SEM1: variants seen among roughly 807,000 people sequenced by gnomAD.
The protein encoded by SEM1 is 26S proteasome complex subunit SEM1.
In SEM1, 3 loss-of-function variants were observed where a neutral mutation model predicts 12.7. The ratio of observed to expected loss-of-function variants is 0.24; its 90% confidence interval spans 0.11 to 0.61. The LOEUF is 0.61. Ranked by LOEUF, SEM1 falls within the 20% of genes least tolerant of loss-of-function variation. SEM1 has a pLI of 0.88. For synonymous variants in SEM1, 30 were observed against 27.8 expected (o/e 1.08, Z -0.25); for missense variants, 59 against 81.3 (o/e 0.73, Z 1.06).
intron 2 of SEM1, among the ~76,000 whole-genome samples, chr7:96,639,958 GAA>G (rs1808540404): frequency 6.6e-6 from 1 of 151,980 alleles, no homozygotes; most frequent in African/African-American, 2.4e-5. Context: ...ATAAGCATAC[GAA>G]AAGATGTTCC....
intron 2 of SEM1, among the ~76,000 whole-genome samples, chr7:96,658,120 G>A (rs545054127): frequency 1.3e-5 from 2 of 152,216 alleles, no homozygotes; most frequent in South Asian, 2.1e-4. Flanking sequence ...TACTTAGGCC[G>A]ATGAATCCCA....
intron 2 of SEM1, among the ~76,000 whole-genome samples, chr7:96,597,161 G>A (rs1056719955): frequency 7.9e-5 from 12 of 152,028 alleles, no homozygotes; most frequent in Admixed American, 2.0e-4. Flanking sequence ...AGTCAGGGCC[G>A]GATTATTCAA....
intron 2 of SEM1, among the ~76,000 whole-genome samples, chr7:96,636,333 A>AC (rs11380524): frequency 0.85 from 128,443 of 151,778 alleles, 55,823 homozygotes; most frequent in East Asian, 1. Context: ...AAATAACTTG[A>AC]AAAGGGAAGG....
At chr7:96,541,293 T>A (rs542279255) in intron 2 of SEM1, among the ~76,000 whole-genome samples, 1 of 151,814 alleles carries the variant, frequency 6.6e-6, no homozygotes, top group South Asian at 2.1e-4. Flanking sequence ...CTGACTGGTG[T>A]GCAGTGATGT....
At chr7:96,548,090 A>T in intron 2 of SEM1, among the ~76,000 whole-genome samples, 1 of 152,182 alleles carries the variant, frequency 6.6e-6, no homozygotes, top group East Asian at 1.9e-4. Context: ...TGAAGCCTGA[A>T]TGCAGCAAAT....
intron 2 of SEM1, among the ~76,000 whole-genome samples, chr7:96,579,147 A>T: frequency 6.6e-6 from 1 of 152,348 alleles, no homozygotes; most frequent in Middle Eastern, 3.4e-3. Flanking sequence ...TACCATGATG[A>T]GATTCCAAGT....
intron 2 of SEM1, among the ~76,000 whole-genome samples, chr7:96,535,401 A>G (rs372506058): frequency 1.3e-5 from 2 of 151,830 alleles, no homozygotes; most frequent in African/African-American, 4.8e-5. Flanking sequence ...ATGTCCTGTA[A>G]GCACTGTTTT....
intron 2 of SEM1, among the ~76,000 whole-genome samples, chr7:96,676,676 T>C (rs1442502262): frequency 1.3e-5 from 2 of 152,184 alleles, no homozygotes; most frequent in South Asian, 2.1e-4. Context: ...CAATGCTCTA[T>C]TCCAACCTCT....
chr7:96,542,954 G>C (rs942343859), intron 2 of SEM1, among the ~76,000 whole-genome samples: 1 of 151,870 alleles, frequency 6.6e-6, no homozygotes, highest in African/African-American at 2.4e-5. Flanking sequence ...AATATGGAAA[G>C]GATTGCATTT....
At chr7:96,574,756 C>G (rs1806151999) in intron 2 of SEM1, among the ~76,000 whole-genome samples, 1 of 152,126 alleles carries the variant, frequency 6.6e-6, no homozygotes, top group Admixed American at 6.5e-5. Context: ...ATTGATCCAG[C>G]TATTGATATT....
At chr7:96,567,416 G>A (rs1268631765) in intron 2 of SEM1, among the ~76,000 whole-genome samples, 1 of 151,382 alleles carries the variant, frequency 6.6e-6, no homozygotes, top group African/African-American at 2.4e-5. Context: ...TTATTTTATT[G>A]TTTGTGGTGT....
Position 96,567,646 on chromosome 7 carries a change from T to C in SEM1, c.171-60948A>G, listed in dbSNP as rs192910958. On this transcript the variant is annotated intron_variant and NMD_transcript_variant, in intron 2 of 3. Transcript: ENST00000466986. ...ATGCAGGTTTTGGCTGTCAATTAGATGGATATTAAAAATATCTATTTATTA... is the reference window on the plus strand; with the variant it reads ...ATGCAGGTTTTGGCTGTCAATTAGACGGATATTAAAAATATCTATTTATTA... 2.6e-3 allele frequency among the ~76,000 whole-genome samples: 398 copies of C among 151,722 alleles called. 2 individuals carry two copies. The highest frequency in any genetic ancestry group is 0.015 in the South Asian group (73 of 4,826).
chr7:96,631,856 A>G (rs1808271944), intron 2 of SEM1, among the ~76,000 whole-genome samples: 1 of 152,192 alleles, frequency 6.6e-6, no homozygotes, highest in African/African-American at 2.4e-5. Flanking sequence ...ACAAATTTAC[A>G]AGAAAAAAAC....
At chr7:96,580,432 A>G (rs373780233) in intron 2 of SEM1, among the ~76,000 whole-genome samples, 3,429 of 147,078 alleles carry the variant, frequency 0.023, 108 homozygotes, top group Admixed American at 0.081. Context: ...ATAAACATAC[A>G]TGTGCATGTG....
chr7:96,558,352 G>C (rs1334766758), intron 2 of SEM1: 1 of 152,274 alleles, frequency 6.6e-6, no homozygotes, highest in Non-Finnish European at 1.5e-5. Flanking sequence ...TGTTACACAT[G>C]TGAGAATACA....
rs144637021 is a variant in SEM1, at chr7:96,521,135, C to T, written c.171-14437G>A. 2.1e-3 allele frequency among the ~76,000 whole-genome samples: 326 copies of T among 152,112 alleles called. 2 individuals carry two copies. Among genetic ancestry groups the T allele is most frequent in the South Asian group, 8.3e-3 (40 of 4,810 alleles). On this transcript the variant is annotated intron_variant and NMD_transcript_variant, in intron 2 of 3. Transcript: ENST00000466986. ...ATCTCTATGATTTTCTTCGAGGGGG[C>T]CTGAGGGCGAAAAAGGAGGGCCTGC...
Position 96,516,503 on chromosome 7 carries a change from A to G in SEM1, c.171-9805T>C, listed in dbSNP as rs371671387. ...CAGATTCTCCACCTCTTATATTACC[A>G]GGGAAGTGTAAATTAAAACAACAGT... On this transcript the variant is annotated intron_variant and NMD_transcript_variant, in intron 2 of 3. Transcript: ENST00000466986. Among the ~76,000 whole-genome samples the G allele has an allele frequency of 2.0e-4, 30 of 152,306 alleles. No individual in the cohort carries two copies. In the South Asian group the frequency reaches 6.2e-3, roughly 32 times the overall value.
intron 3 of SEM1, among the ~76,000 whole-genome samples, chr7:96,503,727 CT>C (rs1302044503): frequency 6.6e-6 from 1 of 152,090 alleles, no homozygotes; most frequent in Non-Finnish European, 1.5e-5. Flanking sequence ...AATAGATATT[CT>C]GAACAGAAAG....
chr7:96,555,310 T>A (rs1805445984), intron 2 of SEM1, among the ~76,000 whole-genome samples: 1 of 152,096 alleles, frequency 6.6e-6, no homozygotes, highest in Admixed American at 6.5e-5. Context: ...TCTTTCCTGC[T>A]TTCTCTTGTG....
Sources: gnomAD v4.1 joint callset for allele counts (sites outside exome capture counted in the v4.1 genomes callset) on GRCh38, gnomAD v4.1.1 for gene constraint, MANE v1.5 for transcripts, NCBI Gene and HGNC (gene_info 2026-07-23, HGNC 2026-07-21) for gene names.